ADCY7: variants seen among roughly 807,000 people sequenced by gnomAD.
ADCY7 encodes the protein adenylate cyclase type 7.
Under a neutral mutation model 120.6 loss-of-function variants are expected in ADCY7, and 72 were observed. That is an observed-to-expected ratio of 0.60 (90% CI 0.49 to 0.73). The LOEUF (loss-of-function observed/expected upper bound fraction) is 0.73. Ranked by LOEUF, ADCY7 falls within the 30% of genes least tolerant of loss-of-function variation. ADCY7 has a pLI of 0.00. For synonymous variants in ADCY7, 661 were observed against 628.0 expected (o/e 1.05, Z -0.78); for missense variants, 1,227 against 1,486.0 (o/e 0.83, Z 2.87).
At chr16:50,265,663 G>C (rs2033184126), upstream of ADCY7, among the ~76,000 whole-genome samples, 1 of 152,230 alleles carries the variant, frequency 6.6e-6, no homozygotes, top group African/African-American at 2.4e-5. Flanking sequence ...GGGGTTAGAA[G>C]ACCAGAAGAG....
At chr16:50,247,934 T>TGAGCCCTCCCAGG (rs1358505824) in intron 1 of ADCY7, among the ~76,000 whole-genome samples, 16 of 152,276 alleles carry the variant, frequency 1.1e-4, no homozygotes, top group African/African-American at 3.9e-4. Context: ...CTGAGGCTGC[T>TGAGCCCTCCCAGG]GAGCCCTCCC....
In ADCY7 at chr16:50,292,774, T is replaced by C. The variant is rs1177318478; in HGVS notation, c.636T>C (p.Thr212=). The C allele has an allele frequency of 1.2e-6, 2 of 1,613,850 alleles. No individual in the cohort carries two copies. The highest frequency in any genetic ancestry group is 1.3e-5 in the African/African-American group (1 of 75,022). ...CATCCCGGGACCTCTTCACCTACACTGTGAAGTGCATCCAGATCCGCCGGA... is the reference window on the plus strand; with the variant it reads ...CATCCCGGGACCTCTTCACCTACACCGTGAAGTGCATCCAGATCCGCCGGA... ...QDASRDLFTY[T]VKCIQIRRKL... Residue 212 remains threonine (T), a synonymous_variant, in exon 5 of 26, where the codon ACT becomes ACC. Transcript: ENST00000673801.
intron 1 of ADCY7, among the ~76,000 whole-genome samples, chr16:50,271,318 A>G (rs2033558038): frequency 6.6e-6 from 1 of 152,162 alleles, no homozygotes; most frequent in Admixed American, 6.5e-5. Flanking sequence ...CATAGCTCAC[A>G]GCAGCCTCGA....
At chr16:50,249,398 C>G (rs139163678) in intron 1 of ADCY7, among the ~76,000 whole-genome samples, 56 of 152,212 alleles carry the variant, frequency 3.7e-4, no homozygotes, top group African/African-American at 1.3e-3. Context: ...CGAGTTAGCG[C>G]CACTGCACTC....
intron 24 of ADCY7, chr16:50,314,650 A>G (rs905456180): frequency 1.9e-5 from 10 of 516,270 alleles, no homozygotes; most frequent in African/African-American, 3.8e-5. Flanking sequence ...GTCTGTAAAC[A>G]GGTGACCTTA....
intron 1 of ADCY7, among the ~76,000 whole-genome samples, chr16:50,274,764 G>T (rs1017334828): frequency 6.6e-6 from 1 of 152,134 alleles, no homozygotes; most frequent in African/African-American, 2.4e-5. Context: ...GGTGGGAGAG[G>T]CCTCTCCCAC....
Position 50,315,341 on chromosome 16 carries a change from GTC to G in ADCY7, c.3097-12_3097-11del. The stretch of plus-strand genomic sequence containing the variant: ...TTCTTCCCGCCTCTGAAGACAACAG[GTC>G]TCTCTTCCTTTTCAGGTTACCGAGG... On this transcript the variant is annotated splice_polypyrimidine_tract_variant and intron_variant, in intron 25 of 25. Coordinates refer to ENST00000673801, the MANE Select transcript of ADCY7 (RefSeq NM_001114.5). 6.2e-7 allele frequency: 1 copy of G among 1,600,850 alleles called. No homozygotes were observed. Among genetic ancestry groups the G allele is most frequent in the Non-Finnish European group, 8.6e-7 (1 of 1,169,050 alleles).
chr16:50,306,053 T>C (rs1426763357), intron 14 of ADCY7, among the ~76,000 whole-genome samples: 1 of 152,176 alleles, frequency 6.6e-6, no homozygotes, highest in Non-Finnish European at 1.5e-5. Context: ...CTTCATTCCA[T>C]GACCCAAATG....
intron 1 of ADCY7, among the ~76,000 whole-genome samples, chr16:50,280,964 G>A (rs1362487078): frequency 6.6e-6 from 1 of 152,128 alleles, no homozygotes; most frequent in Non-Finnish European, 1.5e-5. Context: ...CAGCCTGGGG[G>A]TGCTTGGGGG....
chr16:50,249,428 G>C (rs111765494), intron 1 of ADCY7, among the ~76,000 whole-genome samples: 20,462 of 150,386 alleles, frequency 0.14, 1,434 homozygotes, highest in Admixed American at 0.19. Flanking sequence ...CTGGGCGACA[G>C]AGCAAGACTC....
intron 10 of ADCY7, chr16:50,302,085 C>G (rs7193875): frequency 6.6e-6 from 1 of 152,538 alleles, no homozygotes; most frequent in Non-Finnish European, 1.5e-5. Flanking sequence ...CCCTGTACCC[C>G]GGCCCTGGCC....
At chr16:50,314,944 T>C in intron 24 of ADCY7, 70 bp from the exon 25 acceptor site, 2 of 1,586,794 alleles carry the variant, frequency 1.3e-6, no homozygotes, top group Non-Finnish European at 1.7e-6. Context: ...ATGGATTCTC[T>C]GGCCTCCTCT....
intron 1 of ADCY7, among the ~76,000 whole-genome samples, chr16:50,255,493 T>C (rs906647470): frequency 8.6e-5 from 13 of 151,096 alleles, no homozygotes; most frequent in African/African-American, 2.9e-4. Context: ...GCCCAATGAT[T>C]TGTTTGTTTG....
intron 1 of ADCY7, among the ~76,000 whole-genome samples, chr16:50,272,341 G>T (rs1270641288): frequency 3.3e-5 from 5 of 152,188 alleles, no homozygotes; most frequent in Non-Finnish European, 7.3e-5. Flanking sequence ...GCCCTCCAGG[G>T]TGCCCTTCCT....
At chr16:50,260,146 C>T (rs1211166784) in intron 1 of ADCY7, among the ~76,000 whole-genome samples, 1 of 152,236 alleles carries the variant, frequency 6.6e-6, no homozygotes, top group Non-Finnish European at 1.5e-5. Context: ...GGAGGGGACG[C>T]TCACACGGCT....
In ADCY7 at chr16:50,313,981, C is replaced by T. The variant is rs763745825; in HGVS notation, c.2775C>T (p.Ser925=). ...AGCTCCTACTGAAGCCCAAGTTCAGCGGCGTGGAGAAGATCAAGACCATCG... is the reference window on the plus strand; with the variant it reads ...AGCTCCTACTGAAGCCCAAGTTCAGTGGCGTGGAGAAGATCAAGACCATCG... ...FDELLLKPKF[S]GVEKIKTIGS... The change falls in exon 23 of 26, where the codon AGC becomes AGT. Residue 925 remains serine, a synonymous_variant. Coordinates refer to ENST00000673801, the MANE Select transcript of ADCY7 (RefSeq NM_001114.5). 86 of 1,613,950 alleles carry T rather than the reference C, an allele frequency of 5.3e-5. No homozygotes were observed. The highest frequency in any genetic ancestry group is 2.9e-4 in the East Asian group (13 of 44,874).
At position 50,298,887 on chromosome 16, in the gene ADCY7, C is replaced by G. The variant is rs200860943; in HGVS notation, c.949-17C>G. The G allele has an allele frequency of 1.9e-6, 3 of 1,610,318 alleles. No individual in the cohort carries two copies. In the East Asian group the frequency reaches 6.7e-5, roughly 36 times the overall value. On this transcript the variant is annotated splice_polypyrimidine_tract_variant and intron_variant, in intron 7 of 25. Coordinates refer to ENST00000673801, the MANE Select transcript of ADCY7 (RefSeq NM_001114.5). ...CCCCACATCTTCCAGTGACCAGGCC[C>G]TTCCCTCACCCTGCAGGCCAACGAG... is the stretch of plus-strand genomic sequence containing the variant.
At chr16:50,249,162 T>C (rs1195586227) in intron 1 of ADCY7, among the ~76,000 whole-genome samples, 4 of 152,186 alleles carry the variant, frequency 2.6e-5, no homozygotes, top group African/African-American at 9.7e-5. Flanking sequence ...GGCTCTGGCC[T>C]GGCGCAGCGG....
chr16:50,312,934 C>A lies in ADCY7; in HGVS notation c.2649C>A (p.Ala883=), dbSNP rs770077000. 1.2e-6 allele frequency: 2 copies of A among 1,614,162 alleles called. No homozygotes were observed. Among genetic ancestry groups the A allele is most frequent in the Non-Finnish European group, 1.7e-6 (2 of 1,180,036 alleles). Residue 883 remains alanine, a synonymous_variant, in exon 22 of 26, where the codon GCC becomes GCA. Transcript: ENST00000673801. ...ATGACTGCGTCTGTGTCATGTTTGCCTCCGTGCCGGACTTCAAAGTGTTCT... is the reference window on the plus strand; with the variant it reads ...ATGACTGCGTCTGTGTCATGTTTGCATCCGTGCCGGACTTCAAAGTGTTCT... ...QSYDCVCVMF[A]SVPDFKVFYT...
Sources: gnomAD v4.1 joint callset for allele counts (sites outside exome capture counted in the v4.1 genomes callset) on GRCh38, gnomAD v4.1.1 for gene constraint, MANE v1.5 for transcripts, NCBI Gene and HGNC (gene_info 2026-07-23, HGNC 2026-07-21) for gene names.